Variants in SWAP70 observed in about 807,000 individuals in gnomAD.
The protein encoded by SWAP70 is switching B cell complex subunit SWAP70, also known as switch-associated protein 70.
A neutral mutation model predicts 80.2 loss-of-function variants in SWAP70; 34 were observed. The observed-to-expected ratio is 0.42, with a 90% CI of 0.32 to 0.56. The LOEUF (loss-of-function observed/expected upper bound fraction) is 0.56, where lower values mean the gene tolerates loss of function less well. Ranked by LOEUF, SWAP70 falls within the 20% of genes least tolerant of loss-of-function variation. SWAP70 has a pLI of 0.09. For missense variants in SWAP70, 578 were observed against 690.7 expected, an observed-to-expected ratio of 0.84 and a Z score of 1.83; for synonymous variants, 239 against 238.5, an observed-to-expected ratio of 1.00 and a Z score of -0.02.
chr11:9,740,687 C>T lies in SWAP70; in HGVS notation c.1355+340C>T, dbSNP rs147000009. ...AAGAGCTTGGCATCTTCAACACGCT[C>T]CAGACCAGAGAGGGCCATTGGTATG... On this transcript the variant is annotated intron_variant, in intron 9 of 11. Coordinates refer to ENST00000318950, the MANE Select transcript of SWAP70 (RefSeq NM_015055.4). The T allele has an allele frequency of 6.8e-3, 2,400 of 350,828 alleles. 14 individuals carry two copies. Among genetic ancestry groups the T allele is most frequent in the Non-Finnish European group, 0.01 (1,834 of 182,466 alleles). 21.7% of individuals were successfully genotyped at this position (350,828 alleles called of 1,614,324 possible). A position where few individuals can be genotyped will look rare whatever the true frequency, so the allele number is the denominator to read the frequency against.
intron 10 of SWAP70, among the ~76,000 whole-genome samples, chr11:9,748,566 G>C (rs932361037): frequency 1.3e-5 from 2 of 152,248 alleles, no homozygotes; most frequent in Non-Finnish European, 2.9e-5. Flanking sequence ...AGGTGCTACA[G>C]AAACTCACTG....
intron 1 of SWAP70, among the ~76,000 whole-genome samples, chr11:9,672,207 ATATATATATATATATATATAT>A (rs1850425735): frequency 1.6e-5 from 2 of 127,834 alleles, no homozygotes; most frequent in Non-Finnish European, 3.3e-5. Context: ...ATATATATAT[ATATATATATATATATATATAT>A]GATTGTAAAG....
At chr11:9,742,637 G>A (rs1409122767) in intron 9 of SWAP70, among the ~76,000 whole-genome samples, 1 of 152,090 alleles carries the variant, frequency 6.6e-6, no homozygotes, top group African/African-American at 2.4e-5. Context: ...GCCCGGCCTA[G>A]TGGTCATTTT....
chr11:9,674,968 CA>C (rs777668072), intron 1 of SWAP70, among the ~76,000 whole-genome samples: 374 of 116,732 alleles, frequency 3.2e-3, no homozygotes, highest in Middle Eastern at 0.017. Flanking sequence ...GACTCCGTCT[CA>C]AAAAAAAAAA....
chr11:9,670,169 A>T (rs540166376), intron 1 of SWAP70, among the ~76,000 whole-genome samples: 11 of 152,206 alleles, frequency 7.2e-5, no homozygotes, highest in Admixed American at 7.2e-4. Context: ...AATAGCCCCG[A>T]TAAGAGGTAA....
chr11:9,715,727 C>T (rs1323081866), intron 3 of SWAP70, among the ~76,000 whole-genome samples: 5 of 152,144 alleles, frequency 3.3e-5, no homozygotes, highest in Admixed American at 6.6e-5. Flanking sequence ...GAGAACAGCA[C>T]GGGAAAGACC....
At chr11:9,699,710 G>A (rs960174163) in intron 2 of SWAP70, among the ~76,000 whole-genome samples, 1 of 151,950 alleles carries the variant, frequency 6.6e-6, no homozygotes, top group African/African-American at 2.4e-5. Context: ...TTAAAAATTA[G>A]CCAGGCTTGG....
chr11:9,751,770 G>C lies in SWAP70; in HGVS notation c.*1800G>C, dbSNP rs979579540. The C allele has an allele frequency of 1.3e-5, 2 of 152,174 alleles. No homozygotes were observed. The highest frequency in any genetic ancestry group is 4.8e-5 in the African/African-American group (2 of 41,432). The allele number at this position is 152,174 out of a possible 1,614,324, so 9.4% of individuals were successfully genotyped here. On this transcript the variant is annotated 3_prime_UTR_variant, in exon 12 of 12. Transcript: ENST00000318950. ...TTGCCAATGAAGAAATGGTCTGTAG[G>C]TATTTGTCTTAAGATTTTTGGCTGT...
chr11:9,706,447 A>G (rs1178074730), intron 2 of SWAP70, among the ~76,000 whole-genome samples: 2 of 152,120 alleles, frequency 1.3e-5, no homozygotes, highest in Non-Finnish European at 2.9e-5. Flanking sequence ...ACAAAATAAT[A>G]TTTGTAGGAT....
Position 9,671,542 on chromosome 11 carries a change from A to ATATATATAAATATATT in SWAP70, c.99+7270_99+7271insTAAATATATTTATATA, listed in dbSNP as rs1565109466. On this transcript the variant is annotated intron_variant, in intron 1 of 11. Coordinates refer to ENST00000318950, the MANE Select transcript of SWAP70 (RefSeq NM_015055.4). ...TATATAAATATATAAATATATAGAA[A>ATATATATAAATATATT]TATATAGAAATATATATAAATATAT... 5.1e-3 allele frequency among the ~76,000 whole-genome samples: 425 copies of ATATATATAAATATATT among 83,692 alleles called. 2 individuals are homozygous for ATATATATAAATATATT. Among genetic ancestry groups the ATATATATAAATATATT allele is most frequent in the Middle Eastern group, 0.044 (3 of 68 alleles). 54.9% of individuals were successfully genotyped at this position (83,692 alleles called of 152,430 possible).
Position 9,724,762 on chromosome 11 carries a change from T to C in SWAP70, c.519T>C (p.Leu173=). The C allele has an allele frequency of 1.2e-6, 2 of 1,614,174 alleles. No individual in the cohort carries two copies. The highest frequency in any genetic ancestry group is 1.7e-6 in the Non-Finnish European group (2 of 1,179,996). ...ACTTTGATGACAGTAAAAATGGCCT[T>C]TCTGCATGGGAACTTATTGAGCTTA... ...KINFDDSKNG[L]SAWELIELIG... Residue 173 remains leucine, a synonymous_variant, in exon 4 of 12, where the codon CTT becomes CTC. Coordinates refer to ENST00000318950, the MANE Select transcript of SWAP70 (RefSeq NM_015055.4).
chr11:9,678,448 C>A (rs1256485847), intron 1 of SWAP70, among the ~76,000 whole-genome samples: 1 of 142,954 alleles, frequency 7.0e-6, no homozygotes, highest in Non-Finnish European at 1.5e-5. Context: ...TTGCTAGAAA[C>A]TTTTCAGTGA....
chr11:9,728,237 G>A, intron 5 of SWAP70, 38 bp downstream of exon 5: 1 of 1,532,378 alleles, frequency 6.5e-7, no homozygotes, highest in Non-Finnish European at 8.7e-7. Context: ...ATTACCCCGT[G>A]CTGCCCCCTG....
intron 1 of SWAP70, among the ~76,000 whole-genome samples, chr11:9,670,866 GCCT>G (rs1222509650): frequency 6.6e-6 from 1 of 151,502 alleles, no homozygotes; most frequent in East Asian, 1.9e-4. Context: ...CCATTCTCCT[GCCT>G]CAGCCTCCCG....
intron 9 of SWAP70, among the ~76,000 whole-genome samples, chr11:9,743,164 C>T (rs1186243856): frequency 6.8e-6 from 1 of 146,736 alleles, no homozygotes; most frequent in Non-Finnish European, 1.5e-5. Flanking sequence ...GTTTTTTGTT[C>T]TTGCGATAGT....
chr11:9,725,745 T>C (rs1286304566), intron 4 of SWAP70, among the ~76,000 whole-genome samples: 1 of 151,644 alleles, frequency 6.6e-6, no homozygotes, highest in Non-Finnish European at 1.5e-5. Flanking sequence ...CTAGCTTTTG[T>C]ATTTTTAGTA....
At chr11:9,716,643 G>A (rs1565125031) in intron 3 of SWAP70, among the ~76,000 whole-genome samples, 1 of 152,200 alleles carries the variant, frequency 6.6e-6, no homozygotes, top group South Asian at 2.1e-4. Context: ...AAAGGGGTGT[G>A]TGTGAATGAA....
intron 3 of SWAP70, among the ~76,000 whole-genome samples, chr11:9,722,803 C>T (rs577126708): frequency 2.0e-5 from 3 of 152,186 alleles, no homozygotes; most frequent in Admixed American, 6.5e-5. Context: ...TAAATCCAGC[C>T]CACAGCCTAT....
At chr11:9,721,416 A>G (rs1414841335) in intron 3 of SWAP70, among the ~76,000 whole-genome samples, 1 of 151,726 alleles carries the variant, frequency 6.6e-6, no homozygotes, top group Non-Finnish European at 1.5e-5. Flanking sequence ...AAAAGAGCTT[A>G]TAGCATCTCA....
Sources: gnomAD v4.1 joint callset for allele counts (sites outside exome capture counted in the v4.1 genomes callset) on GRCh38, gnomAD v4.1.1 for gene constraint, MANE v1.5 for transcripts, NCBI Gene and HGNC (gene_info 2026-07-23, HGNC 2026-07-21) for gene names.